DNAH6: variants seen among roughly 807,000 people sequenced by gnomAD.
The protein encoded by DNAH6 is axonemal beta dynein heavy chain 6.
A neutral mutation model predicts 491.4 loss-of-function variants in DNAH6; 340 were observed. The ratio of observed to expected loss-of-function variants is 0.69; its 90% CI spans 0.63 to 0.76. The LOEUF is 0.76. Ranked by LOEUF, DNAH6 falls within the 30% of genes least tolerant of loss-of-function variation. DNAH6 has a pLI of 0.00. For missense variants in DNAH6, 4,443 were observed against 4,972.2 expected, an observed-to-expected ratio of 0.89 and a Z score of 3.20; for synonymous variants, 1,603 against 1,686.1, an observed-to-expected ratio of 0.95 and a Z score of 1.21.
intron 17 of DNAH6, 25 bp from the exon 18 acceptor site, chr2:84,595,621 T>C (rs969617728): frequency 1.4e-5 from 21 of 1,511,766 alleles, no homozygotes; most frequent in Non-Finnish European, 1.9e-5. Flanking sequence ...TAACTTGTTT[T>C]GCTTTGTTTT....
At chr2:84,792,705 A>G (rs1407825907) in intron 68 of DNAH6, among the ~76,000 whole-genome samples, 1 of 152,202 alleles carries the variant, frequency 6.6e-6, no homozygotes. Context: ...TGAAAGGCCT[A>G]TGTGTCTTGC....
chr2:84,805,567 A>T (rs1274848589), intron 70 of DNAH6, 98 bp from the exon 71 acceptor site: 3 of 1,096,134 alleles, frequency 2.7e-6, no homozygotes, highest in Non-Finnish European at 3.8e-6. Context: ...ATATGGTTTT[A>T]GAGAACTGCC....
At chr2:84,545,300 A>G (rs1262266610) in intron 5 of DNAH6, among the ~76,000 whole-genome samples, 1 of 152,182 alleles carries the variant, frequency 6.6e-6, no homozygotes, top group Non-Finnish European at 1.5e-5. Flanking sequence ...AGACAAATAT[A>G]TAAGAGGGAC....
chr2:84,624,821 C>A (rs1394704311), intron 28 of DNAH6, 81 bp from the exon 29 acceptor site: 3 of 1,370,746 alleles, frequency 2.2e-6, no homozygotes, highest in African/African-American at 3.0e-5. Context: ...AAATAATAAT[C>A]CTTCCCCCAT....
chr2:84,629,176 G>A (rs1308553805), intron 29 of DNAH6, among the ~76,000 whole-genome samples: 2 of 151,958 alleles, frequency 1.3e-5, no homozygotes, highest in South Asian at 2.1e-4. Context: ...ATAGGTATTT[G>A]GGTTGTTTCT....
rs1224564931 is a variant in DNAH6 at position 84,611,800 on chromosome 2, A to C, written c.3421A>C (p.Ile1141Leu). 2 of 1,551,098 alleles carry C rather than the reference A, an allele frequency of 1.3e-6. No homozygotes were observed. Among genetic ancestry groups the C allele is most frequent in the African/African-American group, 2.7e-5 (2 of 73,000 alleles). The part of the protein sequence containing the change: ...FLQVDKSWKE[I>L]MRKVNRLPNA... ...TCAGGTGGATAAGTCATGGAAAGAA[A>C]TCATGAGAAAGGTGAATCGGCTGCC... Residue 1141 changes from isoleucine (I) to leucine (L), a missense_variant, in exon 22 of 77, where the codon ATC becomes CTC. Physicochemically the swap from Ile to Leu is conservative, Grantham distance 5 (BLOSUM62 2). Around this residue, in one of 3 missense-constraint regions of DNAH6, gnomAD observed 2,977 missense variants for 3,296.6 expected, o/e 0.90. Transcript: ENST00000389394.
intron 62 of DNAH6, among the ~76,000 whole-genome samples, chr2:84,738,810 G>A (rs1301286084): frequency 6.6e-6 from 1 of 152,112 alleles, no homozygotes; most frequent in Non-Finnish European, 1.5e-5. Flanking sequence ...TGTATTTTAA[G>A]TTGAGCATTT....
Position 84,595,667 on chromosome 2 carries a change from C to T in DNAH6, c.2746C>T (p.Pro916Ser). Residue 916 changes from proline (P) to serine (S), a missense_variant, in exon 18 of 77, where the codon CCA becomes TCA. Coordinates refer to ENST00000389394, the MANE Select transcript of DNAH6 (RefSeq NM_001370.2). Reference sequence around the variant, plus strand: ...ATAGTCCAAATTTGATTGCCTGGATCCAGAAGTCCTAAACGGTCAAGTTTC... The same window carrying T: ...ATAGTCCAAATTTGATTGCCTGGATTCAGAAGTCCTAAACGGTCAAGTTTC... ...WLKSKFDCLDPEVLNGQVSKY... is the reference protein window; with the variant it reads ...WLKSKFDCLDSEVLNGQVSKY... The T allele has an allele frequency of 7.8e-6, 12 of 1,544,474 alleles. No individual in the cohort carries two copies. The highest frequency in any genetic ancestry group is 1.0e-5 in the Non-Finnish European group (12 of 1,144,544).
At chr2:84,514,437 C>A (rs1334935582), upstream of DNAH6, among the ~76,000 whole-genome samples, 2 of 152,156 alleles carry the variant, frequency 1.3e-5, no homozygotes, top group African/African-American at 2.4e-5. Flanking sequence ...AGTGGAATAG[C>A]ACCCATCACA....
intron 63 of DNAH6, 28 bp from the exon 64 acceptor site, chr2:84,762,727 A>G (rs1423707782): frequency 6.7e-7 from 1 of 1,494,332 alleles, no homozygotes; most frequent in Non-Finnish European, 9.1e-7. Flanking sequence ...CTCATTCAAC[A>G]TACTTTTTTT....
chr2:84,777,400 A>G (rs1676242828), intron 64 of DNAH6: 3 of 500,036 alleles, frequency 6.0e-6, no homozygotes, highest in South Asian at 2.5e-5. Flanking sequence ...TAAGGAAGAC[A>G]TTATCCTTTA....
At chr2:84,560,680 G>A (rs1263500328) in intron 11 of DNAH6, among the ~76,000 whole-genome samples, 1 of 151,682 alleles carries the variant, frequency 6.6e-6, no homozygotes, top group East Asian at 1.9e-4. Flanking sequence ...TCATTGTTCA[G>A]TTCCCACCTA....
rs146273593 is a variant in DNAH6, at chr2:84,600,891, A to G, written c.2869-3448A>G. On this transcript the variant is annotated intron_variant, in intron 18 of 76. Coordinates refer to ENST00000389394, the MANE Select transcript of DNAH6 (RefSeq NM_001370.2). ...CACCTCCTAAAAGCATTGACACCCC[A>G]GTAGCAATGAGCATAATTTGTATCC... 9.9e-5 allele frequency among the ~76,000 whole-genome samples: 15 copies of G among 151,144 alleles called. No homozygotes were observed. In the East Asian group the frequency reaches 2.9e-3, roughly 29 times the overall value.
At chr2:84,609,904 A>G (rs1041350042) in intron 21 of DNAH6, among the ~76,000 whole-genome samples, 3 of 152,132 alleles carry the variant, frequency 2.0e-5, no homozygotes, top group Admixed American at 6.6e-5. Context: ...GCATGCCCAT[A>G]TTATTATTTT....
At chr2:84,787,325 G>A in intron 68 of DNAH6, 23 bp downstream of exon 68, 1 of 1,540,774 alleles carries the variant, frequency 6.5e-7, no homozygotes, top group South Asian at 1.2e-5. Flanking sequence ...TTGTGGCCAG[G>A]CCTTCCATCT....
intron 29 of DNAH6, among the ~76,000 whole-genome samples, chr2:84,631,100 C>T (rs928342041): frequency 2.0e-5 from 3 of 152,154 alleles, no homozygotes; most frequent in Non-Finnish European, 2.9e-5. Context: ...GACTGCTCTC[C>T]GCTGAGAGCC....
chr2:84,475,280 A>G, the DNAH6 span, among the ~76,000 whole-genome samples: 1 of 152,152 alleles, frequency 6.6e-6, no homozygotes, highest in Non-Finnish European at 1.5e-5. Flanking sequence ...GGCAGGGGAC[A>G]ATTTTTGTAC....
chr2:84,650,862 T>C (rs1690389765), intron 33 of DNAH6, among the ~76,000 whole-genome samples: 1 of 152,226 alleles, frequency 6.6e-6, no homozygotes, highest in Non-Finnish European at 1.5e-5. Flanking sequence ...AACCTACTTA[T>C]CTGAGGTATT....
the DNAH6 span, among the ~76,000 whole-genome samples, chr2:84,505,542 GT>G: frequency 2.6e-5 from 4 of 151,942 alleles, no homozygotes; most frequent in East Asian, 7.7e-4. Flanking sequence ...TTTGTTTAAT[GT>G]TTTTATTTTT....
Sources: gnomAD v4.1 joint callset for allele counts (sites outside exome capture counted in the v4.1 genomes callset) on GRCh38, gnomAD v4.1.1 for gene constraint, gnomAD v4.1.1 regional missense constraint, MANE v1.5 for transcripts, NCBI Gene and HGNC (gene_info 2026-07-23, HGNC 2026-07-21) for gene names.